The following DLG2 variants were observed in gnomAD, a reference collection of about 807,000 sequenced individuals.
DLG2 encodes disks large homolog 2.
Under a neutral mutation model 132.5 loss-of-function variants are expected in DLG2, and 45 were observed. That is an observed-to-expected ratio of 0.34 (90% CI 0.27 to 0.44). The LOEUF is 0.44. Ranked by LOEUF, DLG2 falls within the 20% of genes least tolerant of loss-of-function variation. DLG2 has a pLI of 1.00. For synonymous variants in DLG2, 424 were observed against 419.6 expected (o/e 1.01, Z -0.13); for missense variants, 1,045 against 1,196.9 (o/e 0.87, Z 1.87).
At chr11:83,591,336 T>C (rs1356441829) in intron 19 of DLG2, among the ~76,000 whole-genome samples, 11 of 125,362 alleles carry the variant, frequency 8.8e-5, no homozygotes, top group Non-Finnish European at 1.8e-4. Flanking sequence ...GCTGGTTCAA[T>C]ATACGCAAAT....
chr11:83,759,954 T>G (rs2093829427), intron 18 of DLG2, among the ~76,000 whole-genome samples: 1 of 152,210 alleles, frequency 6.6e-6, no homozygotes, highest in Non-Finnish European at 1.5e-5. Flanking sequence ...CCGAAGATGT[T>G]TTATTAAATC....
chr11:85,255,403 G>A (rs965702391), intron 4 of DLG2, among the ~76,000 whole-genome samples: 4 of 152,152 alleles, frequency 2.6e-5, no homozygotes, highest in African/African-American at 9.7e-5. Flanking sequence ...AGATAATTAT[G>A]TATATAAACT....
chr11:85,470,105 T>A (rs2092932733), intron 3 of DLG2, among the ~76,000 whole-genome samples: 1 of 151,878 alleles, frequency 6.6e-6, no homozygotes, highest in African/African-American at 2.4e-5. Context: ...CATTTGCTGT[T>A]CCTTCTGCCT....
chr11:85,332,459 T>C (rs564163872), intron 3 of DLG2, among the ~76,000 whole-genome samples: 6 of 152,318 alleles, frequency 3.9e-5, no homozygotes, highest in African/African-American at 1.2e-4. Context: ...AGCTTTTTAA[T>C]TTAACTAAGT....
intron 9 of DLG2, among the ~76,000 whole-genome samples, chr11:84,109,847 C>T (rs1359034151): frequency 6.6e-6 from 1 of 152,164 alleles, no homozygotes; most frequent in Non-Finnish European, 1.5e-5. Context: ...GAATGCTCAA[C>T]AATTCTTATT....
intron 6 of DLG2, among the ~76,000 whole-genome samples, chr11:84,639,472 T>G (rs994408314): frequency 1.3e-5 from 2 of 151,958 alleles, no homozygotes; most frequent in Admixed American, 1.3e-4. Context: ...TCTTATAACA[T>G]TGACAGTTCT....
chr11:83,499,852 GATAT>G (rs60890814), intron 21 of DLG2, among the ~76,000 whole-genome samples: 1,260 of 61,246 alleles, frequency 0.021, 11 homozygotes, highest in East Asian at 0.035. Flanking sequence ...ACTAATAGGA[GATAT>G]ATATATATAT....
intron 6 of DLG2, among the ~76,000 whole-genome samples, chr11:84,606,095 C>T (rs1359093015): frequency 5.3e-5 from 8 of 152,032 alleles, no homozygotes; most frequent in Non-Finnish European, 1.0e-4. Context: ...AGCTGGAAGA[C>T]AGTAGCTACT....
chr11:83,651,166 C>T (rs1182611856), intron 18 of DLG2, among the ~76,000 whole-genome samples: 1 of 151,978 alleles, frequency 6.6e-6, no homozygotes, highest in Non-Finnish European at 1.5e-5. Context: ...AAGTAAGTAC[C>T]TAGTACATAA....
intron 19 of DLG2, among the ~76,000 whole-genome samples, chr11:83,542,818 C>T (rs1412752659): frequency 6.6e-6 from 1 of 152,140 alleles, no homozygotes; most frequent in African/African-American, 2.4e-5. Context: ...CCCACACATA[C>T]AGCATATGAC....
rs181063637 is a variant in DLG2, at chr11:84,221,031, T to G, written c.573+30207A>C. Among the ~76,000 whole-genome samples the G allele has an allele frequency of 1.5e-3, 223 of 151,256 alleles. 2 individuals are homozygous for G. Among genetic ancestry groups the G allele is most frequent in the Admixed American group, 0.013 (198 of 15,156 alleles). The stretch of plus-strand genomic sequence containing the variant: ...GTTACCCAAGCTGCTCTTGAACTCC[T>G]GGGCTGAAGTGATCCACCTGCCTCA... On this transcript the variant is annotated intron_variant, in intron 8 of 27. Transcript: ENST00000376104.
intron 6 of DLG2, among the ~76,000 whole-genome samples, chr11:84,942,547 TATTG>T (rs2049587504): frequency 6.6e-6 from 1 of 152,220 alleles, no homozygotes; most frequent in Non-Finnish European, 1.5e-5. Flanking sequence ...TTCCTCTTAT[TATTG>T]ATTTTTAGTT....
intron 7 of DLG2, among the ~76,000 whole-genome samples, chr11:84,352,153 G>A (rs896914311): frequency 3.3e-5 from 5 of 152,260 alleles, no homozygotes; most frequent in Non-Finnish European, 7.4e-5. Flanking sequence ...ACCTTCTCCC[G>A]CTCTTGCTCC....
chr11:84,184,213 T>A (rs1389235391), intron 8 of DLG2, among the ~76,000 whole-genome samples: 1 of 152,206 alleles, frequency 6.6e-6, no homozygotes, highest in Non-Finnish European at 1.5e-5. Flanking sequence ...GTGCTCCTAT[T>A]TCTCCACGTC....
At chr11:84,181,451 A>G (rs1291619102) in intron 8 of DLG2, among the ~76,000 whole-genome samples, 8 of 152,160 alleles carry the variant, frequency 5.3e-5, no homozygotes, top group African/African-American at 1.7e-4. Context: ...TGAAAGAACA[A>G]GAACAGTAAT....
chr11:83,861,716 G>C (rs894404468), intron 16 of DLG2, among the ~76,000 whole-genome samples: 2 of 152,136 alleles, frequency 1.3e-5, no homozygotes, highest in African/African-American at 2.4e-5. Context: ...AGTTACCCGA[G>C]GCTGGAAAGG....
intron 3 of DLG2, among the ~76,000 whole-genome samples, chr11:85,355,931 AC>A (rs2083656122): frequency 6.6e-6 from 1 of 152,178 alleles, no homozygotes; most frequent in South Asian, 2.1e-4. Context: ...TTACTGATCT[AC>A]CTATCTGCCT....
At chr11:84,194,433 G>A (rs537309878) in intron 8 of DLG2, among the ~76,000 whole-genome samples, 105 of 152,254 alleles carry the variant, frequency 6.9e-4, no homozygotes, top group African/African-American at 2.5e-3. Flanking sequence ...CATAAAGGTG[G>A]CACAGACCCA....
In DLG2 at chr11:84,842,297, T is replaced by A. The variant is rs553423502; in HGVS notation, c.357+269364A>T. 1.2e-4 allele frequency among the ~76,000 whole-genome samples: 19 copies of A among 152,154 alleles called. No homozygotes were observed. In the South Asian group the frequency reaches 3.7e-3, roughly 30 times the overall value. On this transcript the variant is annotated intron_variant, in intron 6 of 27. Transcript: ENST00000376104. ...CAATCTTGCTTGGTAGGCATTCTTA[T>A]CGCCACTTTACAGATGTTAAAACTG...
Sources: gnomAD v4.1 joint callset for allele counts (sites outside exome capture counted in the v4.1 genomes callset) on GRCh38, gnomAD v4.1.1 for gene constraint, MANE v1.5 for transcripts, NCBI Gene and HGNC (gene_info 2026-07-23, HGNC 2026-07-21) for gene names.